Variants in RCOR1 observed in about 807,000 individuals in gnomAD.
RCOR1 encodes REST corepressor 1.
RCOR1 carries 12 observed loss-of-function variants against 64.0 expected under a neutral mutation model. The ratio of observed to expected loss-of-function variants is 0.19; its 90% CI spans 0.12 to 0.30. RCOR1 has a LOEUF of 0.30. RCOR1 is among the 10% of genes least tolerant of loss of function. The pLI is 1.00. For missense variants in RCOR1, 502 were observed against 621.2 expected (o/e 0.81, Z 2.04); for synonymous variants, 279 against 227.2 (o/e 1.23, Z -2.05).
At position 102,593,048 on chromosome 14, in the gene RCOR1, C is replaced by G. The variant is rs1339972974; in HGVS notation, c.162C>G (p.Ala54=). 2.9e-6 allele frequency: 4 copies of G among 1,383,524 alleles called. No individual in the cohort carries two copies. Among genetic ancestry groups the G allele is most frequent in the Non-Finnish European group, 3.8e-6 (4 of 1,059,916 alleles). The allele number at this position is 1,383,524 out of a possible 1,614,324, so 85.7% of individuals were successfully genotyped here. ...CCTCGGGCGCCGCCGCCTCCTCAGC[C>G]TCGGCCGCCGCCGCCTCAGCCGCCG... ...TAASGAAASS[A]SAAAASAAAA... is the part of the protein sequence containing the mutation. Residue 54 remains alanine, a synonymous_variant, in exon 1 of 12, where the codon GCC becomes GCG. Coordinates refer to ENST00000262241, the MANE Select transcript of RCOR1 (RefSeq NM_015156.4).
chr14:102,672,682 A>G (rs922066499), intron 2 of RCOR1, among the ~76,000 whole-genome samples: 9 of 152,204 alleles, frequency 5.9e-5, no homozygotes, highest in Non-Finnish European at 1.2e-4. Context: ...TATTCAGGGA[A>G]ATGCAAATCA....
chr14:102,602,464 C>T (rs1893424230), intron 2 of RCOR1, among the ~76,000 whole-genome samples: 2 of 144,800 alleles, frequency 1.4e-5, no homozygotes, highest in South Asian at 2.1e-4. Context: ...AATGCAGTGA[C>T]GCAGTCTCCT....
chr14:102,687,269 C>T (rs1895440885), intron 3 of RCOR1, among the ~76,000 whole-genome samples: 1 of 152,140 alleles, frequency 6.6e-6, no homozygotes, highest in Non-Finnish European at 1.5e-5. Flanking sequence ...GGTAGAAACA[C>T]TGGGGTCTAC....
At position 102,727,666 on chromosome 14, in the gene RCOR1, T is replaced by C. The variant is rs938469890; in HGVS notation, c.*1160T>C. The C allele has an allele frequency of 5.3e-5, 8 of 152,114 alleles. No individual in the cohort carries two copies. The highest frequency in any genetic ancestry group is 1.9e-4 in the African/African-American group (8 of 41,430). The allele number at this position is 152,114 out of a possible 1,614,324, so 9.4% of individuals were successfully genotyped here. A position where few individuals can be genotyped will look rare whatever the true frequency, so the allele number is the denominator to read the frequency against. ...AAACACCATGCACTCTCTTTTCATA[T>C]CAGAGTACAGGACAGAGAAGTGATC... On this transcript the variant is annotated 3_prime_UTR_variant, in exon 12 of 12. Transcript: ENST00000262241.
intron 4 of RCOR1, among the ~76,000 whole-genome samples, chr14:102,703,831 C>A (rs1031254509): frequency 2.0e-5 from 3 of 152,192 alleles, no homozygotes; most frequent in African/African-American, 7.2e-5. Flanking sequence ...AGGGCAAGGC[C>A]AAGAAGTGAA....
intron 2 of RCOR1, among the ~76,000 whole-genome samples, chr14:102,621,351 G>T (rs1893867289): frequency 6.9e-6 from 1 of 144,616 alleles, no homozygotes. Context: ...TAACTGTCTT[G>T]CACACCAGTC....
chr14:102,630,502 A>C (rs192280444), intron 2 of RCOR1, among the ~76,000 whole-genome samples: 28 of 152,286 alleles, frequency 1.8e-4, no homozygotes, highest in Admixed American at 1.5e-3. Flanking sequence ...CTTAGCATGT[A>C]CTCCATTCAA....
intron 2 of RCOR1, among the ~76,000 whole-genome samples, chr14:102,595,822 G>A (rs1893230454): frequency 6.6e-6 from 1 of 151,932 alleles, no homozygotes; most frequent in Non-Finnish European, 1.5e-5. Flanking sequence ...CTCGTGATCC[G>A]CCCGTCTCGG....
At chr14:102,678,399 A>C (rs977211508) in intron 2 of RCOR1, among the ~76,000 whole-genome samples, 6 of 152,106 alleles carry the variant, frequency 3.9e-5, no homozygotes, top group Non-Finnish European at 8.8e-5. Flanking sequence ...TCCTGGGTTC[A>C]AGCCATTCTC....
chr14:102,599,947 G>GT (rs1411737640), intron 2 of RCOR1, among the ~76,000 whole-genome samples: 1 of 152,022 alleles, frequency 6.6e-6, no homozygotes, highest in Non-Finnish European at 1.5e-5. Context: ...GGGAATACAT[G>GT]TGCACATCAC....
At chr14:102,654,592 C>A (rs1014944628) in intron 2 of RCOR1, among the ~76,000 whole-genome samples, 5 of 151,896 alleles carry the variant, frequency 3.3e-5, no homozygotes, top group African/African-American at 9.7e-5. Context: ...TGAGGCCAGG[C>A]GCACTAGCTG....
At chr14:102,594,221 T>C (rs781003325) in intron 2 of RCOR1, among the ~76,000 whole-genome samples, 17 of 152,152 alleles carry the variant, frequency 1.1e-4, no homozygotes, top group Non-Finnish European at 2.4e-4. Context: ...ATGGAAAATG[T>C]TTGAAAGAAC....
At chr14:102,634,198 A>G (rs1894185546) in intron 2 of RCOR1, among the ~76,000 whole-genome samples, 1 of 152,084 alleles carries the variant, frequency 6.6e-6, no homozygotes, top group Non-Finnish European at 1.5e-5. Context: ...TAGGCTCCTT[A>G]TTAATCCTGA....
chr14:102,601,672 G>A (rs1218864194), intron 2 of RCOR1, among the ~76,000 whole-genome samples: 3 of 152,220 alleles, frequency 2.0e-5, no homozygotes, highest in African/African-American at 4.8e-5. Flanking sequence ...AGAAGAGTCT[G>A]TTGGGCAGGA....
At chr14:102,697,863 G>A (rs947258747) in intron 3 of RCOR1, among the ~76,000 whole-genome samples, 2 of 151,952 alleles carry the variant, frequency 1.3e-5, no homozygotes, top group Non-Finnish European at 2.9e-5. Flanking sequence ...TGGGATTACA[G>A]ACACGCACCA....
chr14:102,687,779 A>G (rs1008264035), intron 3 of RCOR1, among the ~76,000 whole-genome samples: 4 of 152,158 alleles, frequency 2.6e-5, no homozygotes, highest in Admixed American at 6.6e-5. Flanking sequence ...AGCATCTCCC[A>G]TGTACCACTG....
intron 2 of RCOR1, among the ~76,000 whole-genome samples, chr14:102,661,208 C>T (rs946370290): frequency 6.6e-6 from 1 of 151,972 alleles, no homozygotes; most frequent in African/African-American, 2.4e-5. Flanking sequence ...ATTAGCTGGG[C>T]GTGATGGTGG....
At chr14:102,616,204 ATATGTGTGTGTGTGTGTGTGTGTG>A (rs763088492) in intron 2 of RCOR1, among the ~76,000 whole-genome samples, 1 of 128,690 alleles carries the variant, frequency 7.8e-6, no homozygotes, top group Non-Finnish European at 1.6e-5. Context: ...ATACATGTGT[ATATGTGTGTGTGTGTGTGTGTGTG>A]TGTGTGTGTG....
chr14:102,625,062 A>G (rs1216985944), intron 2 of RCOR1, among the ~76,000 whole-genome samples: 1 of 151,628 alleles, frequency 6.6e-6, no homozygotes, highest in Non-Finnish European at 1.5e-5. Flanking sequence ...TTTTGTAGAG[A>G]TAAGGTGTTA....
Sources: gnomAD v4.1 joint callset for allele counts (sites outside exome capture counted in the v4.1 genomes callset) on GRCh38, gnomAD v4.1.1 for gene constraint, MANE v1.5 for transcripts, NCBI Gene and HGNC (gene_info 2026-07-23, HGNC 2026-07-21) for gene names.